Variants in PTPN13 observed in about 807,000 individuals in gnomAD.
The protein encoded by PTPN13 is protein tyrosine phosphatase non-receptor type 13.
In PTPN13, 191 loss-of-function variants were observed where a neutral mutation model predicts 284.0. That is an observed-to-expected ratio of 0.67 (90% CI 0.60 to 0.76). The LOEUF is 0.76. PTPN13 is among the 30% of genes least tolerant of loss of function. PTPN13 has a pLI of 0.00. For missense variants in PTPN13, 2,797 were observed against 2,939.9 expected, an observed-to-expected ratio of 0.95 and a Z score of 1.12; for synonymous variants, 986 against 1,022.3, an observed-to-expected ratio of 0.96 and a Z score of 0.68.
chr4:86,686,156 A>T (rs1729428442), intron 3 of PTPN13, among the ~76,000 whole-genome samples: 1 of 152,158 alleles, frequency 6.6e-6, no homozygotes, highest in African/African-American at 2.4e-5. Flanking sequence ...GAGGTCAGGA[A>T]TTCAAGACGA....
chr4:86,753,526 A>G (rs768216353), intron 20 of PTPN13, among the ~76,000 whole-genome samples: 8 of 152,010 alleles, frequency 5.3e-5, no homozygotes, highest in Non-Finnish European at 1.0e-4. Flanking sequence ...TGTGGGGGCC[A>G]GGGTAAAGTT....
At position 86,803,801 on chromosome 4, in the gene PTPN13, G is replaced by C. The variant is rs772685398; in HGVS notation, c.6598G>C (p.Val2200Leu). Residue 2200 changes from valine (V) to leucine (L), a missense_variant, in exon 43 of 48, where the codon GTC becomes CTC. Physicochemically the swap from Val to Leu is conservative, Grantham distance 32. Transcript: ENST00000411767. ...GKYTGANLKS[V>L]IRVLRGLLDQ... ...ATACACGGGTGCCAACTTAAAATCA[G>C]TCATTCGAGTCCTGCGGGGTTTGCT... 1 of 1,613,808 alleles carries C rather than the reference G, an allele frequency of 6.2e-7. No homozygotes were observed. The highest frequency in any genetic ancestry group is 1.3e-5 in the African/African-American group (1 of 74,918).
At position 86,689,060 on chromosome 4, in the gene PTPN13, T is replaced by G. The variant is rs753042665; in HGVS notation, c.416T>G (p.Val139Gly). ...ATACTGCTTGGAATGTGTGAGGATG[T>G]TATTTACGCTCGAGTTTCTGTTCGG... ...NSILLGMCED[V>G]IYARVSVRTV... The change falls in exon 5 of 48, where the codon GTT becomes GGT. Residue 139 changes from valine to glycine, a missense_variant. Val to Gly is a moderately radical substitution (Grantham distance 109). Transcript: ENST00000411767. The G allele has an allele frequency of 6.3e-7, 1 of 1,589,444 alleles. No homozygotes were observed. Among genetic ancestry groups the G allele is most frequent in the African/African-American group, 1.3e-5 (1 of 74,414 alleles).
At chr4:86,640,096 TTTG>T (rs975595862) in intron 2 of PTPN13, among the ~76,000 whole-genome samples, 8 of 151,958 alleles carry the variant, frequency 5.3e-5, no homozygotes, top group African/African-American at 1.9e-4. Context: ...CTTTGTTGTT[TTTG>T]TTGTTGTTTT....
At chr4:86,693,549 C>T (rs1174102050) in intron 5 of PTPN13, 38 bp from the exon 6 acceptor site, 2 of 1,354,294 alleles carry the variant, frequency 1.5e-6, no homozygotes, top group South Asian at 1.5e-5. Context: ...AAAGGGAGAT[C>T]CTTTTGTCAA....
intron 46 of PTPN13, 60 bp from the exon 47 acceptor site, chr4:86,810,986 T>A: frequency 6.6e-7 from 1 of 1,513,148 alleles, no homozygotes; most frequent in Non-Finnish European, 9.1e-7. Context: ...TCTGTGATCC[T>A]TTTGAGATTC....
intron 6 of PTPN13, among the ~76,000 whole-genome samples, chr4:86,700,426 C>T (rs1485620026): frequency 1.3e-5 from 2 of 151,828 alleles, no homozygotes; most frequent in African/African-American, 4.8e-5. Context: ...AAATTAATTT[C>T]TGGATGGACA....
rs564338670 is a variant in PTPN13 at position 86,670,934 on chromosome 4, G to C, written c.116-1431G>C. Among the ~76,000 whole-genome samples the C allele has an allele frequency of 6.9e-4, 105 of 152,126 alleles. 4 individuals carry two copies. The highest frequency in any genetic ancestry group is 1.9e-4 in the Non-Finnish European group (13 of 68,020). Reference sequence around the variant, plus strand: ...TGAAATGATTCATTGAAATGTATTTGGCAATAACAATTGTGAGCCAAGTTT... The same window carrying C: ...TGAAATGATTCATTGAAATGTATTTCGCAATAACAATTGTGAGCCAAGTTT... On this transcript the variant is annotated intron_variant, in intron 2 of 47. Transcript: ENST00000411767.
At chr4:86,697,896 T>TTTTTCTAAAATTTAACTAAA (rs140709623) in intron 6 of PTPN13, among the ~76,000 whole-genome samples, 7,429 of 152,080 alleles carry the variant, frequency 0.049, 252 homozygotes, top group African/African-American at 0.07. Flanking sequence ...ACAAGGAAGT[T>TTTTTCTAAAATTTAACTAAA]TTTTCTAAAA....
chr4:86,735,737 A>G lies in PTPN13; in HGVS notation c.2295A>G (p.Glu765=). The change falls in exon 15 of 48, where the codon GAA becomes GAG. Residue 765 remains glutamate (E), a synonymous_variant. Coordinates refer to ENST00000411767, the MANE Select transcript of PTPN13 (RefSeq NM_080683.3). Reference sequence around the variant, plus strand: ...CTTCTGAAAAAGAGACAGAGTTAGAATTTTTAAAGGTAAGCATCCAAGATT... The same window carrying G: ...CTTCTGAAAAAGAGACAGAGTTAGAGTTTTTAAAGGTAAGCATCCAAGATT... The part of the protein sequence containing the change: ...VGASEKETEL[E]FLKVCQRLTE... 1 of 1,609,504 alleles carries G rather than the reference A, an allele frequency of 6.2e-7. No individual in the cohort carries two copies. The highest frequency in any genetic ancestry group is 8.5e-7 in the Non-Finnish European group (1 of 1,178,644).
chr4:86,665,432 C>T (rs911714451), intron 2 of PTPN13, among the ~76,000 whole-genome samples: 1 of 152,076 alleles, frequency 6.6e-6, no homozygotes, highest in African/African-American at 2.4e-5. Flanking sequence ...AAATAAATGT[C>T]TTCATTTAAT....
intron 42 of PTPN13, among the ~76,000 whole-genome samples, chr4:86,801,490 A>G (rs140261365): frequency 2.0e-5 from 3 of 152,338 alleles, no homozygotes; most frequent in Non-Finnish European, 2.9e-5. Context: ...GCAGATTAGA[A>G]TTTCAGTTAC....
At chr4:86,724,077 G>T (rs2149096648) in intron 10 of PTPN13, among the ~76,000 whole-genome samples, 1 of 152,242 alleles carries the variant, frequency 6.6e-6, no homozygotes, top group East Asian at 1.9e-4. Context: ...GCTGTTATAT[G>T]ACTTTATGTA....
chr4:86,743,209 A>G (rs1736349971), intron 16 of PTPN13, among the ~76,000 whole-genome samples: 1 of 152,194 alleles, frequency 6.6e-6, no homozygotes, highest in South Asian at 2.1e-4. Context: ...TCAAGACTAT[A>G]CATCTTTCTT....
chr4:86,703,909 A>G (rs1285493145), intron 7 of PTPN13, among the ~76,000 whole-genome samples: 2 of 152,146 alleles, frequency 1.3e-5, no homozygotes, highest in African/African-American at 2.4e-5. Context: ...GTGGTGGCTC[A>G]TGCCTGTAAT....
Position 86,775,359 on chromosome 4 carries a change from C to G in PTPN13, c.5680+17C>G. 6.2e-7 allele frequency: 1 copy of G among 1,608,180 alleles called. No homozygotes were observed. The highest frequency in any genetic ancestry group is 8.5e-7 in the Non-Finnish European group (1 of 1,176,348). On this transcript the variant is annotated intron_variant, in intron 34 of 47. Transcript: ENST00000411767. The stretch of plus-strand genomic sequence containing the variant: ...AGGAGTTGGGTAATGAAAAGTCAAA[C>G]TTTGTACAATATGATTTTCTTGGTT...
chr4:86,748,955 T>C (rs186892275), intron 17 of PTPN13, among the ~76,000 whole-genome samples: 1 of 152,180 alleles, frequency 6.6e-6, no homozygotes, highest in South Asian at 2.1e-4. Context: ...GCGCCCAGCC[T>C]GATTATGGGA....
chr4:86,721,286 C>A (rs148213713), intron 9 of PTPN13, among the ~76,000 whole-genome samples: 2 of 151,842 alleles, frequency 1.3e-5, no homozygotes, highest in African/African-American at 4.8e-5. Flanking sequence ...TTTGACCCTC[C>A]CCTTAAGTGA....
At chr4:86,619,553 AG>A in intron 1 of PTPN13, among the ~76,000 whole-genome samples, 1 of 152,298 alleles carries the variant, frequency 6.6e-6, no homozygotes, top group East Asian at 1.9e-4. Context: ...TGGAAAAGGC[AG>A]TGGAGGGAGG....
Sources: allele counts gnomAD v4.1 joint callset (sites outside exome capture counted in the v4.1 genomes callset), GRCh38; gene constraint gnomAD v4.1.1; transcripts MANE v1.5; gene names NCBI Gene and HGNC (gene_info 2026-07-23, HGNC 2026-07-21).